The following KIF26B variants were observed in gnomAD, a reference collection of about 807,000 sequenced individuals.
KIF26B encodes the protein kinesin family member 26B, also known as kinesin-like protein KIF26B.
KIF26B carries 63 observed loss-of-function variants against 151.2 expected under a neutral mutation model. That is an observed-to-expected ratio of 0.42 (90% CI 0.34 to 0.51). The LOEUF is 0.51. KIF26B is among the 20% of genes least tolerant of loss of function. KIF26B has a pLI of 0.07. For synonymous variants in KIF26B, 1,357 were observed against 1,262.1 expected, an observed-to-expected ratio of 1.08 and a Z score of -1.59; for missense variants, 2,813 against 2,913.6, an observed-to-expected ratio of 0.97 and a Z score of 0.79.
chr1:245,660,084 T>C (rs1406311999), intron 10 of KIF26B, among the ~76,000 whole-genome samples: 1 of 151,784 alleles, frequency 6.6e-6, no homozygotes, highest in Non-Finnish European at 1.5e-5. Flanking sequence ...GCTGTGAATA[T>C]TTTTTCTATG....
chr1:245,405,236 T>A (rs1674105710), intron 3 of KIF26B, among the ~76,000 whole-genome samples: 2 of 152,184 alleles, frequency 1.3e-5, no homozygotes, highest in Admixed American at 6.5e-5. Context: ...AAAGTCTAGA[T>A]GATCAGCCTC....
intron 2 of KIF26B, among the ~76,000 whole-genome samples, chr1:245,263,107 A>G (rs919245816): frequency 4.6e-5 from 7 of 152,214 alleles, no homozygotes; most frequent in Non-Finnish European, 2.9e-5. Context: ...ACTGCATCAG[A>G]CTTACAGGTC....
At chr1:245,530,466 G>T (rs370563743) in intron 4 of KIF26B, among the ~76,000 whole-genome samples, 1 of 152,194 alleles carries the variant, frequency 6.6e-6, no homozygotes, top group Non-Finnish European at 1.5e-5. Flanking sequence ...ATAAAGAAAA[G>T]GTGGTACATA....
chr1:245,259,908 A>G (rs1014094478), intron 2 of KIF26B, among the ~76,000 whole-genome samples: 2 of 142,792 alleles, frequency 1.4e-5, no homozygotes, highest in Non-Finnish European at 3.0e-5. Flanking sequence ...GCACCCCAGC[A>G]TGAGTGACAG....
intron 2 of KIF26B, among the ~76,000 whole-genome samples, chr1:245,214,722 C>A (rs1669608324): frequency 1.3e-5 from 2 of 152,038 alleles, no homozygotes; most frequent in Admixed American, 1.3e-4. Flanking sequence ...CACCTGTAAT[C>A]CCAACTAGTT....
At chr1:245,520,617 C>CT (rs1661080042) in intron 4 of KIF26B, among the ~76,000 whole-genome samples, 2 of 140,056 alleles carry the variant, frequency 1.4e-5, no homozygotes, top group South Asian at 2.6e-4. Context: ...CCCACCCATC[C>CT]ATCCATCCAT....
At position 245,160,312 on chromosome 1, in the gene KIF26B, G is replaced by A. The variant is rs148901707; in HGVS notation, c.465+3629G>A. 4.5e-3 allele frequency among the ~76,000 whole-genome samples: 693 copies of A among 152,328 alleles called. 4 individuals are homozygous for A. The highest frequency in any genetic ancestry group is 0.015 in the African/African-American group (642 of 41,560). ...AGTGGTCGGATAAAAGAATGTGGACGTGTAAAGTGTTGAGATTTTAAGTGA... is the reference window on the plus strand; with the variant it reads ...AGTGGTCGGATAAAAGAATGTGGACATGTAAAGTGTTGAGATTTTAAGTGA... On this transcript the variant is annotated intron_variant, in intron 2 of 14. Coordinates refer to ENST00000407071, the MANE Select transcript of KIF26B (RefSeq NM_018012.4).
At chr1:245,520,250 A>G (rs928605117) in intron 4 of KIF26B, among the ~76,000 whole-genome samples, 2 of 152,258 alleles carry the variant, frequency 1.3e-5, no homozygotes, top group South Asian at 4.1e-4. Context: ...CTTATGAAGC[A>G]CAAGTCTACA....
chr1:245,301,541 T>C (rs1313843158), intron 2 of KIF26B, among the ~76,000 whole-genome samples: 1 of 152,172 alleles, frequency 6.6e-6, no homozygotes, highest in Non-Finnish European at 1.5e-5. Flanking sequence ...CTCTGGGGGT[T>C]GGACCCAGTA....
At chr1:245,671,781 G>C (rs550273403) in intron 10 of KIF26B, among the ~76,000 whole-genome samples, 1 of 152,316 alleles carries the variant, frequency 6.6e-6, no homozygotes, top group Admixed American at 6.5e-5. Flanking sequence ...TCATGGATTT[G>C]AGCAGGACAT....
At chr1:245,316,785 T>A (rs1420049793) in intron 2 of KIF26B, among the ~76,000 whole-genome samples, 3 of 151,000 alleles carry the variant, frequency 2.0e-5, no homozygotes, top group Admixed American at 1.3e-4. Flanking sequence ...TACTTAAATA[T>A]GAATACAAGT....
At chr1:245,294,915 G>C (rs182727414) in intron 2 of KIF26B, among the ~76,000 whole-genome samples, 81 of 152,196 alleles carry the variant, frequency 5.3e-4, no homozygotes, top group African/African-American at 1.8e-3. Context: ...CACCTGCCTC[G>C]GCCTCCCAAA....
At chr1:245,692,355 T>C (rs2044637048) in intron 12 of KIF26B, among the ~76,000 whole-genome samples, 1 of 152,024 alleles carries the variant, frequency 6.6e-6, no homozygotes, top group African/African-American at 2.4e-5. Flanking sequence ...AGTGGGGTAG[T>C]GAAGGCCCAA....
intron 10 of KIF26B, among the ~76,000 whole-genome samples, chr1:245,660,341 T>G (rs571437986): frequency 2.8e-3 from 89 of 31,830 alleles, no homozygotes; most frequent in African/African-American, 4.2e-3. Context: ...TGCTATTTTT[T>G]GGGGGGGCGG....
intron 5 of KIF26B, among the ~76,000 whole-genome samples, chr1:245,591,262 C>A (rs572632569): frequency 6.6e-6 from 1 of 152,288 alleles, no homozygotes; most frequent in East Asian, 1.9e-4. Context: ...CACACAGCGA[C>A]CAAGAGTCAG....
At chr1:245,501,872 T>C (rs1660628138) in intron 4 of KIF26B, among the ~76,000 whole-genome samples, 1 of 152,228 alleles carries the variant, frequency 6.6e-6, no homozygotes, top group African/African-American at 2.4e-5. Flanking sequence ...GCCTACATTG[T>C]GCTACCCTGA....
At chr1:245,613,381 T>A (rs557748841) in intron 9 of KIF26B, among the ~76,000 whole-genome samples, 69 of 152,182 alleles carry the variant, frequency 4.5e-4, no homozygotes, top group African/African-American at 1.5e-3. Flanking sequence ...GGTGGTTAGA[T>A]CACTTGAGGT....
intron 4 of KIF26B, among the ~76,000 whole-genome samples, chr1:245,500,446 G>T (rs1245014418): frequency 6.6e-6 from 1 of 152,216 alleles, no homozygotes; most frequent in East Asian, 1.9e-4. Flanking sequence ...ACAGTACTTT[G>T]TAAAGTATAA....
At chr1:245,447,101 C>T (rs1012814421) in intron 4 of KIF26B, among the ~76,000 whole-genome samples, 8 of 152,154 alleles carry the variant, frequency 5.3e-5, no homozygotes, top group Non-Finnish European at 1.2e-4. Context: ...GGCTTTGCCT[C>T]CTCCCCTCAC....
Sources: gnomAD v4.1 joint callset for allele counts (sites outside exome capture counted in the v4.1 genomes callset) on GRCh38, gnomAD v4.1.1 for gene constraint, MANE v1.5 for transcripts, NCBI Gene and HGNC (gene_info 2026-07-23, HGNC 2026-07-21) for gene names.